The following L3MBTL4 variants were observed in gnomAD, a reference collection of about 807,000 sequenced individuals.
L3MBTL4 encodes L3MBTL histone methyl-lysine binding protein 4.
Under a neutral mutation model 84.5 loss-of-function variants are expected in L3MBTL4, and 70 were observed. The observed-to-expected ratio is 0.83, with a 90% CI of 0.68 to 1.01. L3MBTL4 has a LOEUF of 1.01. Among genes scored for constraint, L3MBTL4 ranks in the 50% least tolerant of loss-of-function variants. The pLI, the probability that L3MBTL4 is intolerant of heterozygous loss-of-function variation, is 0.00. For missense variants in L3MBTL4, 715 were observed against 754.8 expected (o/e 0.95, Z 0.62); for synonymous variants, 274 against 259.8 (o/e 1.05, Z -0.52).
intron 17 of L3MBTL4, among the ~76,000 whole-genome samples, chr18:5,966,261 T>C (rs975171609): frequency 2.6e-5 from 4 of 152,152 alleles, no homozygotes; most frequent in African/African-American, 7.2e-5. Flanking sequence ...TCTATTCTTA[T>C]TGCATAATGG....
intron 5 of L3MBTL4, chr18:6,260,748 C>T (rs1352424365): frequency 1.3e-5 from 2 of 152,172 alleles, no homozygotes; most frequent in Admixed American, 6.5e-5. Flanking sequence ...GTGTCAAAAG[C>T]TGAAGCGTTC....
chr18:6,367,268 C>T (rs1373455571), intron 1 of L3MBTL4: 2 of 152,302 alleles, frequency 1.3e-5, no homozygotes, highest in African/African-American at 4.8e-5. Flanking sequence ...GAAACCATCA[C>T]TGTGAAGGCC....
chr18:6,351,340 TG>T (rs1247979959), intron 1 of L3MBTL4, among the ~76,000 whole-genome samples: 3 of 152,078 alleles, frequency 2.0e-5, no homozygotes. Flanking sequence ...GAAAGTAGAA[TG>T]GTAGCTACCA....
In L3MBTL4 at chr18:5,955,887, T is replaced by C. The variant is rs970753926; in HGVS notation, c.*333A>G. 9.8e-6 allele frequency: 2 copies of C among 204,300 alleles called. No individual in the cohort carries two copies. The highest frequency in any genetic ancestry group is 2.3e-5 in the African/African-American group (1 of 43,338). The allele number at this position is 204,300 out of a possible 1,614,324, so 12.7% of individuals were successfully genotyped here. A position where few individuals can be genotyped will look rare whatever the true frequency, so the allele number is the denominator to read the frequency against. On this transcript the variant is annotated 3_prime_UTR_variant, in exon 19 of 19. Transcript: ENST00000317931. The stretch of plus-strand genomic sequence containing the variant: ...ACTTGAGAGTGTTATGCTTGTAAGA[T>C]GGAAAATGGTTTCTTTTCTGGTGAC...
intron 16 of L3MBTL4, among the ~76,000 whole-genome samples, chr18:5,980,290 G>A (rs778252565): frequency 2.0e-5 from 3 of 152,152 alleles, no homozygotes; most frequent in Non-Finnish European, 2.9e-5. Context: ...CTAAGGCCAC[G>A]TGTCATCCCA....
intron 13 of L3MBTL4, among the ~76,000 whole-genome samples, chr18:6,149,553 G>A (rs2042802337): frequency 6.6e-6 from 1 of 151,718 alleles, no homozygotes; most frequent in Non-Finnish European, 1.5e-5. Context: ...TAATCCTTTG[G>A]GTATATACCC....
At chr18:6,044,788 C>T (rs1279154810) in intron 16 of L3MBTL4, among the ~76,000 whole-genome samples, 4 of 152,170 alleles carry the variant, frequency 2.6e-5, no homozygotes, top group African/African-American at 7.2e-5. Context: ...ATGTCTTCTT[C>T]CCATCCTTAA....
At chr18:6,152,652 C>A (rs2042947326) in intron 13 of L3MBTL4, among the ~76,000 whole-genome samples, 1 of 152,152 alleles carries the variant, frequency 6.6e-6, no homozygotes, top group African/African-American at 2.4e-5. Flanking sequence ...GGAGATAACC[C>A]TTTATCAGAT....
chr18:6,024,224 CACTT>C (rs1459830551), intron 16 of L3MBTL4, among the ~76,000 whole-genome samples: 11 of 152,204 alleles, frequency 7.2e-5, no homozygotes, highest in East Asian at 1.9e-4. Flanking sequence ...CAACTACCCT[CACTT>C]ACGCATTTTG....
At chr18:6,223,996 G>C (rs2046670614) in intron 10 of L3MBTL4, among the ~76,000 whole-genome samples, 2 of 152,146 alleles carry the variant, frequency 1.3e-5, no homozygotes, top group African/African-American at 2.4e-5. Flanking sequence ...ATTAGCATCA[G>C]TTACCATTTG....
intron 12 of L3MBTL4, among the ~76,000 whole-genome samples, chr18:6,207,353 T>C (rs553278907): frequency 2.0e-5 from 3 of 152,218 alleles, no homozygotes; most frequent in Non-Finnish European, 2.9e-5. Flanking sequence ...CTACCACTTA[T>C]AAGCTGTGCA....
At chr18:6,205,801 A>T (rs578247593) in intron 12 of L3MBTL4, among the ~76,000 whole-genome samples, 1 of 152,352 alleles carries the variant, frequency 6.6e-6, no homozygotes, top group African/African-American at 2.4e-5. Context: ...GTGCCTACAA[A>T]GCAGGATGTG....
intron 4 of L3MBTL4, among the ~76,000 whole-genome samples, chr18:6,279,632 T>A (rs978414034): frequency 6.6e-6 from 1 of 152,186 alleles, no homozygotes; most frequent in Non-Finnish European, 1.5e-5. Flanking sequence ...TCCCTTGCCA[T>A]GTAGTAGATG....
chr18:6,354,614 A>T (rs949714205), intron 1 of L3MBTL4, among the ~76,000 whole-genome samples: 1 of 152,286 alleles, frequency 6.6e-6, no homozygotes, highest in South Asian at 2.1e-4. Flanking sequence ...TTAAAAATGC[A>T]TAAAAGATTT....
chr18:6,340,587 A>T (rs2052559620), intron 1 of L3MBTL4, among the ~76,000 whole-genome samples: 1 of 152,172 alleles, frequency 6.6e-6, no homozygotes, highest in Non-Finnish European at 1.5e-5. Context: ...GCAAAGGGGC[A>T]GGGGCTCACT....
chr18:6,071,795 AAG>A (rs2057651581), intron 16 of L3MBTL4, among the ~76,000 whole-genome samples: 4 of 145,278 alleles, frequency 2.8e-5, no homozygotes, highest in Non-Finnish European at 4.5e-5. Flanking sequence ...GAAAGAAAGA[AAG>A]AAAGAAAAAG....
intron 15 of L3MBTL4, among the ~76,000 whole-genome samples, chr18:6,088,452 G>A (rs11662751): frequency 0.22 from 33,587 of 152,080 alleles, 3,924 homozygotes; most frequent in African/African-American, 0.31. Context: ...CAAGAGAGAG[G>A]TGAGCCGTGG....
intron 15 of L3MBTL4, among the ~76,000 whole-genome samples, chr18:6,089,555 C>G (rs1478890981): frequency 1.3e-5 from 2 of 152,168 alleles, no homozygotes; most frequent in Non-Finnish European, 2.9e-5. Flanking sequence ...GTCATTCTTT[C>G]ACTAGTCTAA....
At chr18:6,256,848 G>A (rs1316859703) in intron 5 of L3MBTL4, 1 of 152,422 alleles carries the variant, frequency 6.6e-6, no homozygotes, top group Non-Finnish European at 1.5e-5. Flanking sequence ...CAGGCTGGAA[G>A]GATAGAGGAC....
Sources: gnomAD v4.1 joint callset for allele counts (sites outside exome capture counted in the v4.1 genomes callset) on GRCh38, gnomAD v4.1.1 for gene constraint, MANE v1.5 for transcripts, NCBI Gene and HGNC (gene_info 2026-07-23, HGNC 2026-07-21) for gene names.